ERCC6L2: variants seen among roughly 807,000 people sequenced by gnomAD.
ERCC6L2 encodes the protein DNA excision repair protein ERCC-6-like 2.
In ERCC6L2, 77 loss-of-function variants were observed where a neutral mutation model predicts 132.0. The ratio of observed to expected loss-of-function variants is 0.58; its 90% CI spans 0.49 to 0.71. ERCC6L2 has a LOEUF of 0.71. ERCC6L2 is among the 30% of genes least tolerant of loss of function. The pLI, the probability that ERCC6L2 is intolerant of heterozygous loss-of-function variation, is 0.00. For synonymous variants in ERCC6L2, 583 were observed against 632.4 expected, an observed-to-expected ratio of 0.92 and a Z score of 1.17; for missense variants, 1,542 against 1,837.6, an observed-to-expected ratio of 0.84 and a Z score of 2.94.
chr9:96,040,596 A>C (rs189907794), intron 20 of ERCC6L2, among the ~76,000 whole-genome samples: 1 of 152,320 alleles, frequency 6.6e-6, no homozygotes, highest in African/African-American at 2.4e-5. Context: ...AGGCCTATCC[A>C]CAAGGCCAAG....
chr9:96,031,488 C>G (rs1834460335), intron 19 of ERCC6L2, among the ~76,000 whole-genome samples: 1 of 152,250 alleles, frequency 6.6e-6, no homozygotes. Flanking sequence ...CAAACTCTGT[C>G]CCTTTCCCAA....
chr9:95,982,111 G>C (rs1431333545), intron 17 of ERCC6L2, among the ~76,000 whole-genome samples: 1 of 152,114 alleles, frequency 6.6e-6, no homozygotes, highest in African/African-American at 2.4e-5. Context: ...GAGAAATAAC[G>C]GGTCGCTTTG....
At position 95,972,653 on chromosome 9, in the gene ERCC6L2, A is replaced by G. The variant is rs1832471952; in HGVS notation, c.2902A>G (p.Lys968Glu). ...KKLSPENTTL[K>E]SILKRKGTSD... ...GTTAAGTCCTGAGAACACAACCCTGAAATCTATTTTGAAAAGAAAAGGCAC... is the reference window on the plus strand; with the variant it reads ...GTTAAGTCCTGAGAACACAACCCTGGAATCTATTTTGAAAAGAAAAGGCAC... The change falls in exon 16 of 19, where the codon AAA (lysine) becomes GAA (glutamate). Residue 968 changes from lysine (K) to glutamate (E), a missense_variant. Coordinates refer to ENST00000653738, the MANE Select transcript of ERCC6L2 (RefSeq NM_020207.7). 9 of 1,296,024 alleles carry G rather than the reference A, an allele frequency of 6.9e-6. 1 individual carries two copies. Among genetic ancestry groups the G allele is most frequent in the Middle Eastern group, 2.1e-4 (1 of 4,692 alleles). 80.3% of individuals were successfully genotyped at this position (1,296,024 alleles called of 1,614,324 possible).
At position 96,012,944 on chromosome 9, in the gene ERCC6L2, C is replaced by T. The variant is rs1834083873; in HGVS notation, c.4394C>T (p.Ser1465Leu). ...ACACAACTGCCAAAGAAAGTTCTTT[C>T]AGGGCCCATGGAAAAAGCAAAACAG... ...SPTQLPKKVL[S>L]GPMEKAKQRP... Residue 1465 changes from serine (S) to leucine (L), a missense_variant, in exon 19 of 19, where the codon TCA (serine) becomes TTA (leucine). Coordinates refer to ENST00000653738, the MANE Select transcript of ERCC6L2 (RefSeq NM_020207.7). The T allele has an allele frequency of 7.3e-7, 1 of 1,367,196 alleles. No individual in the cohort carries two copies. Among genetic ancestry groups the T allele is most frequent in the Non-Finnish European group, 9.8e-7 (1 of 1,021,624 alleles). The allele number at this position is 1,367,196 out of a possible 1,614,324, so 84.7% of individuals were successfully genotyped here.
At position 96,000,242 on chromosome 9, in the gene ERCC6L2, A is replaced by G. The variant is rs558442030; in HGVS notation, c.3493-4278A>G. Among the ~76,000 whole-genome samples, 4 of 152,326 alleles carry G rather than the reference A, an allele frequency of 2.6e-5. No homozygotes were observed. In the East Asian group the frequency reaches 5.8e-4, roughly 22 times the overall value. ...GGAAAGTACTTTTAACATTACTGAT[A>G]TAAAGCCCTGGTTCAACCTGACCAC... On this transcript the variant is annotated intron_variant, in intron 17 of 18. Coordinates refer to ENST00000653738, the MANE Select transcript of ERCC6L2 (RefSeq NM_020207.7).
rs369846292 is a variant in ERCC6L2, at chr9:96,004,698, G to A, written c.3671G>A (p.Arg1224His). The A allele has an allele frequency of 1.6e-5, 21 of 1,338,016 alleles. No individual in the cohort carries two copies. The highest frequency in any genetic ancestry group is 2.1e-5 in the Non-Finnish European group (21 of 1,005,444). 82.9% of individuals were successfully genotyped at this position (1,338,016 alleles called of 1,614,324 possible). The change falls in exon 18 of 19, where the codon CGC (arginine) becomes CAC (histidine). Residue 1224 changes from arginine (R) to histidine (H), a missense_variant. By Grantham distance (29) the Arg-to-His change is conservative (BLOSUM62 0). Coordinates refer to ENST00000653738, the MANE Select transcript of ERCC6L2 (RefSeq NM_020207.7). The stretch of plus-strand genomic sequence containing the variant: ...ATTGGAGAAACACCAAAAGGAATCC[G>A]CAGGTATATTGTCTCTGACAATACT... ...FIIGETPKGI[R>H]RKQFEEMASY...
intron 12 of ERCC6L2, among the ~76,000 whole-genome samples, chr9:95,943,275 G>T (rs1352103940): frequency 6.6e-6 from 1 of 152,040 alleles, no homozygotes; most frequent in Non-Finnish European, 1.5e-5. Flanking sequence ...GGTAGAGGTG[G>T]GTAAAGTTGT....
At chr9:95,955,447 C>T (rs1831553351) in intron 12 of ERCC6L2, among the ~76,000 whole-genome samples, 1 of 148,670 alleles carries the variant, frequency 6.7e-6, no homozygotes, top group Non-Finnish European at 1.5e-5. Flanking sequence ...TAAACATACC[C>T]ATCATCCCAG....
At chr9:95,944,528 G>A (rs1830958308) in intron 12 of ERCC6L2, among the ~76,000 whole-genome samples, 1 of 152,126 alleles carries the variant, frequency 6.6e-6, no homozygotes, top group African/African-American at 2.4e-5. Context: ...CGTTTTGTAT[G>A]TTTTGCCACA....
At chr9:96,022,004 G>C (rs1319217294), downstream of ERCC6L2, among the ~76,000 whole-genome samples, 1 of 151,976 alleles carries the variant, frequency 6.6e-6, no homozygotes, top group Non-Finnish European at 1.5e-5. Context: ...CGCCCACCCC[G>C]CAGGTCGGCC....
intron 3 of ERCC6L2, among the ~76,000 whole-genome samples, chr9:95,898,906 A>G (rs1387937880): frequency 6.6e-6 from 1 of 152,170 alleles, no homozygotes; most frequent in Non-Finnish European, 1.5e-5. Context: ...TTTCAGTAGA[A>G]TAAATGCATC....
chr9:95,969,192 A>G (rs1832298946), intron 14 of ERCC6L2, among the ~76,000 whole-genome samples: 1 of 152,188 alleles, frequency 6.6e-6, no homozygotes, highest in Admixed American at 6.5e-5. Context: ...GAGATGACAG[A>G]GAGCCAGACC....
At chr9:95,913,880 C>A (rs1209898387) in intron 4 of ERCC6L2, among the ~76,000 whole-genome samples, 1 of 152,148 alleles carries the variant, frequency 6.6e-6, no homozygotes, top group Non-Finnish European at 1.5e-5. Context: ...ATACAGCTAT[C>A]CTGTTATTTT....
chr9:95,883,142 G>A (rs557206796), intron 2 of ERCC6L2, among the ~76,000 whole-genome samples: 5 of 152,202 alleles, frequency 3.3e-5, no homozygotes, highest in South Asian at 2.1e-4. Context: ...TCACCAGATC[G>A]TAGAATTCAG....
intron 2 of ERCC6L2, among the ~76,000 whole-genome samples, chr9:95,895,368 C>A (rs907958717): frequency 6.6e-6 from 1 of 152,054 alleles, no homozygotes; most frequent in Non-Finnish European, 1.5e-5. Context: ...TTTATTTGGA[C>A]AGTCTTTATC....
chr9:96,040,470 A>C (rs958128072), intron 20 of ERCC6L2, among the ~76,000 whole-genome samples: 13 of 152,182 alleles, frequency 8.5e-5, no homozygotes, highest in Non-Finnish European at 1.3e-4. Flanking sequence ...GGCAAGTCTG[A>C]ATCTAAACTG....
chr9:95,958,462 A>G (rs1831728530), intron 13 of ERCC6L2, among the ~76,000 whole-genome samples: 1 of 152,168 alleles, frequency 6.6e-6, no homozygotes, highest in Non-Finnish European at 1.5e-5. Context: ...ACTAGTTTAC[A>G]GTCCCACCAA....
At chr9:95,977,382 A>C (rs1832715713) in intron 16 of ERCC6L2, among the ~76,000 whole-genome samples, 1 of 152,194 alleles carries the variant, frequency 6.6e-6, no homozygotes. Context: ...TCATTGCCAG[A>C]GCTGTTGCAG....
At chr9:95,914,513 C>T (rs1448545141) in intron 4 of ERCC6L2, among the ~76,000 whole-genome samples, 1 of 152,084 alleles carries the variant, frequency 6.6e-6, no homozygotes, top group African/African-American at 2.4e-5. Flanking sequence ...GCCACCGCGC[C>T]CAGCTAATTT....
Sources: gnomAD v4.1 joint callset for allele counts (sites outside exome capture counted in the v4.1 genomes callset) on GRCh38, gnomAD v4.1.1 for gene constraint, MANE v1.5 for transcripts, NCBI Gene and HGNC (gene_info 2026-07-23, HGNC 2026-07-21) for gene names.